The following GRAMD1B variants were observed in gnomAD, a reference collection of about 807,000 sequenced individuals.
The protein encoded by GRAMD1B is protein Aster-B.
In GRAMD1B, 37 loss-of-function variants were observed where a neutral mutation model predicts 99.7. The observed-to-expected ratio is 0.37, with a 90% CI of 0.29 to 0.49. The LOEUF is 0.49. Among genes scored for constraint, GRAMD1B ranks in the 20% least tolerant of loss-of-function variants. GRAMD1B has a pLI of 0.98. For missense variants in GRAMD1B, 888 were observed against 1,009.2 expected, an observed-to-expected ratio of 0.88 and a Z score of 1.63; for synonymous variants, 427 against 387.6, an observed-to-expected ratio of 1.10 and a Z score of -1.19.
upstream of GRAMD1B, among the ~76,000 whole-genome samples, chr11:123,430,175 T>A (rs61904755): frequency 2.0e-5 from 3 of 152,032 alleles, no homozygotes; most frequent in Non-Finnish European, 2.9e-5. Flanking sequence ...CTGCCAGTGC[T>A]AGCCCATTCA....
chr11:123,543,711 G>A (rs1944770759), intron 2 of GRAMD1B, among the ~76,000 whole-genome samples: 2 of 152,296 alleles, frequency 1.3e-5, no homozygotes, highest in South Asian at 4.2e-4. Flanking sequence ...ATAGGCTTCT[G>A]CCTCCATATC....
chr11:123,610,814 G>A lies in GRAMD1B; in HGVS notation c.1919+476G>A, dbSNP rs1430124369. ...ATTAGTGTTAGACAGTGAGCTCCAC[G>A]AGGACAGGAATTCCATTCCACTTAC... is the stretch of plus-strand genomic sequence containing the variant. On this transcript the variant is annotated intron_variant, in intron 14 of 19. Coordinates refer to ENST00000635736, the MANE Select transcript of GRAMD1B (RefSeq NM_001387025.1). The surrounding 1 kb of genome is among the most constrained non-coding windows in gnomAD (Gnocchi z 4.1). 6.6e-6 allele frequency among the ~76,000 whole-genome samples: 1 copy of A among 152,170 alleles called. No individual in the cohort carries two copies. The highest frequency in any genetic ancestry group is 1.5e-5 in the Non-Finnish European group (1 of 68,036).
At chr11:123,494,092 C>A (rs765387757) in intron 2 of GRAMD1B, among the ~76,000 whole-genome samples, 4 of 152,164 alleles carry the variant, frequency 2.6e-5, no homozygotes, top group Non-Finnish European at 5.9e-5. Flanking sequence ...GAGCAGGGAC[C>A]ATCTTTGTTT....
intron 1 of GRAMD1B, among the ~76,000 whole-genome samples, chr11:123,412,116 A>G (rs1166875841): frequency 1.3e-5 from 2 of 152,152 alleles, no homozygotes; most frequent in East Asian, 1.9e-4. Flanking sequence ...CTTCCAGCAA[A>G]TGTATGCAAA....
intron 2 of GRAMD1B, among the ~76,000 whole-genome samples, chr11:123,512,006 C>A (rs988325438): frequency 6.6e-6 from 1 of 152,194 alleles, no homozygotes; most frequent in Non-Finnish European, 1.5e-5. Flanking sequence ...TAGAAAGGAG[C>A]CAGAGAGAGC....
intron 2 of GRAMD1B, chr11:123,560,348 G>A: frequency 8.6e-7 from 1 of 1,167,274 alleles, no homozygotes; most frequent in Non-Finnish European, 1.1e-6. Flanking sequence ...CTGTAAGGCG[G>A]CACGACCACA....
intron 2 of GRAMD1B, among the ~76,000 whole-genome samples, chr11:123,528,600 G>A (rs1226110968): frequency 2.0e-5 from 3 of 152,122 alleles, no homozygotes; most frequent in Non-Finnish European, 1.5e-5. Flanking sequence ...GCTTACAGCA[G>A]GGTAAGTTTC....
intron 1 of GRAMD1B, among the ~76,000 whole-genome samples, chr11:123,396,610 G>A (rs574710113): frequency 6.6e-6 from 1 of 152,270 alleles, no homozygotes; most frequent in East Asian, 1.9e-4. Context: ...TGACTTAGAA[G>A]TGCTGTGCCA....
At chr11:123,406,730 T>G (rs59666488) in intron 1 of GRAMD1B, among the ~76,000 whole-genome samples, 21,208 of 152,204 alleles carry the variant, frequency 0.14, 2,115 homozygotes, top group African/African-American at 0.29. Flanking sequence ...TTTTATATTT[T>G]TTAAGATAAA....
At chr11:123,521,086 A>G (rs1016546237) in intron 2 of GRAMD1B, among the ~76,000 whole-genome samples, 20 of 152,166 alleles carry the variant, frequency 1.3e-4, no homozygotes, top group African/African-American at 3.6e-4. Context: ...AGTTGCTTCT[A>G]TTATTGGAGT....
intron 7 of GRAMD1B, among the ~76,000 whole-genome samples, chr11:123,596,961 A>G (rs534698662): frequency 6.6e-6 from 1 of 152,120 alleles, no homozygotes; most frequent in Non-Finnish European, 1.5e-5. Context: ...CTGGGCTTGG[A>G]GAACATGTGA....
In GRAMD1B at chr11:123,579,531, G is replaced by A. The variant is rs73615851; in HGVS notation, c.663+1954G>A. Among the ~76,000 whole-genome samples the A allele has an allele frequency of 3.9e-4, 59 of 152,208 alleles. No individual in the cohort carries two copies. The South Asian group carries it at 0.011, about 29-fold the overall frequency. On this transcript the variant is annotated intron_variant, in intron 3 of 19. Coordinates refer to ENST00000635736, the MANE Select transcript of GRAMD1B (RefSeq NM_001387025.1). ...AGATCTCTGTGGGCTCCAGCGGCTC[G>A]GCAGGTGCAGGCATATCTGATATCT...
In GRAMD1B at chr11:123,373,475, T is replaced by C. The variant is rs79950894; in HGVS notation, c.-176+14676T>C. On this transcript the variant is annotated intron_variant, in intron 1 of 20. Transcript: ENST00000638157. ...AAAGGTAGAAGTTCTCCCAAGTCAC[T>C]GCTCAGGGCCTTGTCAGTCAGTTTG... is the stretch of plus-strand genomic sequence containing the variant. Among the ~76,000 whole-genome samples the C allele has an allele frequency of 9.8e-3, 1,493 of 152,328 alleles. 21 individuals carry two copies. Among genetic ancestry groups the C allele is most frequent in the African/African-American group, 0.034 (1,423 of 41,578 alleles).
upstream of GRAMD1B, among the ~76,000 whole-genome samples, chr11:123,427,072 G>T (rs994723793): frequency 2.0e-5 from 3 of 152,194 alleles, no homozygotes; most frequent in African/African-American, 7.2e-5. Context: ...TGGGGGCAAA[G>T]GTGAGGTCTG....
rs530401154 is a variant in GRAMD1B, at chr11:123,595,751, TC to T, written c.874-187del. 2.1e-4 allele frequency among the ~76,000 whole-genome samples: 32 copies of T among 152,298 alleles called. No individual in the cohort carries two copies. In the South Asian group the frequency reaches 6.2e-3, roughly 30 times the overall value. On this transcript the variant is annotated intron_variant, in intron 6 of 19. Transcript: ENST00000635736. ...ACTCATGGCTGTAGACAAGGCTCAG[TC>T]CCCACTTTGCTGTCTGCCCACTGTG...
chr11:123,616,218 A>C (rs370962082), intron 17 of GRAMD1B, among the ~76,000 whole-genome samples: 1 of 152,142 alleles, frequency 6.6e-6, no homozygotes, highest in East Asian at 1.9e-4. Flanking sequence ...GCTACTCGGG[A>C]GGCTGAGGCA....
intron 1 of GRAMD1B, among the ~76,000 whole-genome samples, chr11:123,440,009 G>A (rs756269405): frequency 7.2e-5 from 11 of 152,176 alleles, no homozygotes; most frequent in Non-Finnish European, 1.5e-4. Context: ...TTCTGGGGGA[G>A]GGGGAGCGCC....
At chr11:123,518,014 T>G (rs1389246421) in intron 2 of GRAMD1B, among the ~76,000 whole-genome samples, 1 of 152,116 alleles carries the variant, frequency 6.6e-6, no homozygotes, top group African/African-American at 2.4e-5. Context: ...CGGGGGTGAT[T>G]AGAAATCTGC....
chr11:123,495,155 A>G (rs1429325623), intron 2 of GRAMD1B, among the ~76,000 whole-genome samples: 1 of 151,988 alleles, frequency 6.6e-6, no homozygotes, highest in East Asian at 1.9e-4. Context: ...ACATACACAC[A>G]CACATAAATT....
Sources: gnomAD v4.1 joint callset for allele counts (sites outside exome capture counted in the v4.1 genomes callset) on GRCh38, gnomAD v4.1.1 for gene constraint, Gnocchi (gnomAD v3.1) non-coding constraint, MANE v1.5 for transcripts, NCBI Gene and HGNC (gene_info 2026-07-23, HGNC 2026-07-21) for gene names.